The following RHD variants were observed in gnomAD, a reference collection of about 807,000 sequenced individuals.
RHD encodes Rh blood group D antigen, also known as blood group Rh(D) polypeptide.
In RHD, 16 loss-of-function variants were observed where a neutral mutation model predicts 45.5. The observed-to-expected ratio is 0.35, with a 90% CI of 0.24 to 0.53. The LOEUF is 0.53. Among genes scored for constraint, RHD ranks in the 20% least tolerant of loss-of-function variants. The pLI is 0.92. For missense variants in RHD, 306 were observed against 532.0 expected (o/e 0.58, Z 4.18); for synonymous variants, 131 against 217.5 (o/e 0.60, Z 3.50).
At chr1:25,275,106 A>G (rs1640843675) in intron 1 of RHD, among the ~76,000 whole-genome samples, 1 of 132,342 alleles carries the variant, frequency 7.6e-6, no homozygotes, top group Admixed American at 7.4e-5. Flanking sequence ...CCTGGCCAAC[A>G]TGGTAAAACC....
At chr1:25,285,903 G>A (rs575530920) in intron 2 of RHD, among the ~76,000 whole-genome samples, 1 of 134,428 alleles carries the variant, frequency 7.4e-6, no homozygotes, top group South Asian at 2.2e-4. Flanking sequence ...TAAACCTCTG[G>A]GCACTGCTGT....
At position 25,293,350 on chromosome 1, in the gene RHD, C is replaced by CTT. The variant is rs1278720414; in HGVS notation, c.486+2572_486+2573dup. Among the ~76,000 whole-genome samples the CTT allele has an allele frequency of 1.8e-4, 20 of 112,186 alleles. 1 individual carries two copies. The highest frequency in any genetic ancestry group is 5.6e-4 in the African/African-American group (19 of 33,828). The allele number at this position is 112,186 out of a possible 152,430, so 73.6% of individuals were successfully genotyped here. On this transcript the variant is annotated intron_variant, in intron 3 of 9. Transcript: ENST00000328664. Reference sequence around the variant, plus strand: ...TTAGGCCGATGCAGGGACAGTTCATCTTTTTTTTTTTTTTATACAACATTT... The same window carrying CTT: ...TTAGGCCGATGCAGGGACAGTTCATCTTTTTTTTTTTTTTTTATACAACATTT...
rs996939408 is a variant in RHD, at chr1:25,293,728, T to C, written c.486+2937T>C. 4.5e-5 allele frequency among the ~76,000 whole-genome samples: 6 copies of C among 131,988 alleles called. 2 individuals are homozygous for C. The highest frequency in any genetic ancestry group is 1.5e-4 in the Admixed American group (2 of 13,552). 86.6% of individuals were successfully genotyped at this position (131,988 alleles called of 152,430 possible). A position where few individuals can be genotyped will look rare whatever the true frequency, so the allele number is the denominator to read the frequency against. On this transcript the variant is annotated intron_variant, in intron 3 of 9. Coordinates refer to ENST00000328664, the MANE Select transcript of RHD (RefSeq NM_016124.6). ...GACTAGAGAGGGAAGTTTTTGAAAA[T>C]TAAACACTGTCTAATTTTCTGCAAA... is the stretch of plus-strand genomic sequence containing the variant.
intron 2 of RHD, among the ~76,000 whole-genome samples, chr1:25,288,149 C>T (rs1642205673): frequency 7.5e-6 from 1 of 132,466 alleles, no homozygotes; most frequent in African/African-American, 2.6e-5. Flanking sequence ...TCCCAAGTAG[C>T]TGGGACTGTG....
At chr1:25,306,425 CA>C (rs1643840242) in intron 6 of RHD, among the ~76,000 whole-genome samples, 170 bp from the exon 7 acceptor site, 1 of 131,910 alleles carries the variant, frequency 7.6e-6, no homozygotes, top group South Asian at 2.3e-4. Flanking sequence ...TTCATTTCAA[CA>C]AACTCCCCGA....
rs190825940 is a variant in RHD at position 25,282,436 on chromosome 1, T to C, written c.149-2137T>C. The stretch of plus-strand genomic sequence containing the variant: ...TTTTAGTAGAGACGGGGTTTCACCA[T>C]GTTGGCCAGGCTAGTCTCGAACTGC... On this transcript the variant is annotated intron_variant, in intron 1 of 9. Transcript: ENST00000328664. 8.4e-3 allele frequency among the ~76,000 whole-genome samples: 1,104 copies of C among 131,054 alleles called. 292 individuals are homozygous for C. The highest frequency in any genetic ancestry group is 0.015 in the Non-Finnish European group (828 of 55,434). The allele number at this position is 131,054 out of a possible 152,430, so 86.0% of individuals were successfully genotyped here.
At chr1:25,283,453 C>T (rs1641675257) in intron 1 of RHD, among the ~76,000 whole-genome samples, 1 of 130,836 alleles carries the variant, frequency 7.6e-6, no homozygotes, top group African/African-American at 2.6e-5. Context: ...ATCACTTGAA[C>T]CCAGGAGGCA....
intron 8 of RHD, chr1:25,317,993 G>T (rs1452513406): frequency 7.6e-6 from 1 of 130,962 alleles, no homozygotes; most frequent in Non-Finnish European, 1.8e-5. Context: ...AAAATCTAGG[G>T]GAGTTGCTAA....
chr1:25,322,343 T>C (rs1644756897), intron 9 of RHD, among the ~76,000 whole-genome samples: 1 of 132,600 alleles, frequency 7.5e-6, no homozygotes, highest in Non-Finnish European at 1.8e-5. Flanking sequence ...AACCCCTTTT[T>C]TGACAGATGC....
Position 25,314,558 on chromosome 1 carries a change from A to G in RHD, c.1074-2442A>G, listed in dbSNP as rs1330326679. On this transcript the variant is annotated intron_variant, in intron 7 of 9. Coordinates refer to ENST00000328664, the MANE Select transcript of RHD (RefSeq NM_016124.6). ...ACCCAGGCTGGAATGCAGTGGCGCT[A>G]TCTCAGCCCACTACAACCTCTGCCT... 2.3e-5 allele frequency among the ~76,000 whole-genome samples: 3 copies of G among 132,826 alleles called. 1 individual carries two copies. Among genetic ancestry groups the G allele is most frequent in the Non-Finnish European group, 5.4e-5 (3 of 56,026 alleles). 87.1% of individuals were successfully genotyped at this position (132,826 alleles called of 152,430 possible).
At chr1:25,281,681 G>A (rs1641500204) in intron 1 of RHD, among the ~76,000 whole-genome samples, 1 of 131,034 alleles carries the variant, frequency 7.6e-6, no homozygotes, top group Non-Finnish European at 1.8e-5. Context: ...ATGCAAGCAG[G>A]AGATAGAAAC....
In RHD at chr1:25,286,925, T is replaced by C. The variant is rs554223840; in HGVS notation, c.335+2166T>C. Among the ~76,000 whole-genome samples the C allele has an allele frequency of 3.0e-5, 4 of 133,712 alleles. No homozygotes were observed. The South Asian group carries it at 8.9e-4, about 30-fold the overall frequency. 87.7% of individuals were successfully genotyped at this position (133,712 alleles called of 152,430 possible). On this transcript the variant is annotated intron_variant, in intron 2 of 9. Transcript: ENST00000328664. ...CTGAGCAACATGGTGAAATCCTGTC[T>C]CTACTAAAAACACAAAAATTAGCTG...
At position 25,318,261 on chromosome 1, in the gene RHD, C is replaced by T. The variant is rs567202507; in HGVS notation, c.1153+1182C>T. 14 of 127,486 alleles carry T rather than the reference C, an allele frequency of 1.1e-4. 5 individuals are homozygous for T. Among genetic ancestry groups the T allele is most frequent in the Non-Finnish European group, 2.0e-4 (11 of 54,068 alleles). 7.9% of individuals were successfully genotyped at this position (127,486 alleles called of 1,614,324 possible). A position where few individuals can be genotyped will look rare whatever the true frequency, so the allele number is the denominator to read the frequency against. ...CCGGGAGGCAGAGGTTGCAGTGAGC[C>T]GAGACTCTGTCTAAAAAAAAAGAAA... On this transcript the variant is annotated intron_variant, in intron 8 of 9. Transcript: ENST00000328664.
chr1:25,320,140 C>T (rs1259918869), intron 8 of RHD, among the ~76,000 whole-genome samples: 2 of 131,126 alleles, frequency 1.5e-5, no homozygotes, highest in African/African-American at 5.2e-5. Context: ...TCAGGTGATC[C>T]GCCCACCTTG....
chr1:25,277,009 G>C (rs1478981916), intron 1 of RHD, among the ~76,000 whole-genome samples: 1 of 132,298 alleles, frequency 7.6e-6, no homozygotes, highest in African/African-American at 2.6e-5. Context: ...GGAGCTTTCA[G>C]TGAGCTGAGA....
chr1:25,309,804 G>C (rs1017756625), intron 7 of RHD, among the ~76,000 whole-genome samples: 1 of 132,408 alleles, frequency 7.6e-6, no homozygotes, highest in African/African-American at 2.6e-5. Flanking sequence ...GCTGCTGTGA[G>C]GACATGTGTT....
At chr1:25,301,901 G>A (rs1381341277) in intron 5 of RHD, among the ~76,000 whole-genome samples, 1 of 131,116 alleles carries the variant, frequency 7.6e-6, no homozygotes, top group South Asian at 2.3e-4. Flanking sequence ...AGGCTTTCTG[G>A]GGGTAGTGAT....
In RHD at chr1:25,308,684, C is replaced by T. The variant is rs1353711989; in HGVS notation, c.1073+1955C>T. On this transcript the variant is annotated intron_variant, in intron 7 of 9. Transcript: ENST00000328664. ...CTATGGGAACTGGCTCCAGCACATC[C>T]CTGCAAGTCAACTCTCATCAGGGTG... Among the ~76,000 whole-genome samples, 90 of 129,820 alleles carry T rather than the reference C, an allele frequency of 6.9e-4. 14 individuals carry two copies. The highest frequency in any genetic ancestry group is 2.3e-3 in the African/African-American group (88 of 37,722). The allele number at this position is 129,820 out of a possible 152,430, so 85.2% of individuals were successfully genotyped here.
Position 25,293,051 on chromosome 1 carries a change from G to C in RHD, c.486+2260G>C, listed in dbSNP as rs1258931847. Among the ~76,000 whole-genome samples, 2 of 130,686 alleles carry C rather than the reference G, an allele frequency of 1.5e-5. 1 individual carries two copies. The highest frequency in any genetic ancestry group is 3.6e-5 in the Non-Finnish European group (2 of 55,696). The allele number at this position is 130,686 out of a possible 152,430, so 85.7% of individuals were successfully genotyped here. On this transcript the variant is annotated intron_variant, in intron 3 of 9. Transcript: ENST00000328664. ...GGGCTGGGAAGTAGCCATTGGATTT[G>C]GCCAGGAGACCTTGGCATGCATGGT...
Sources: gnomAD v4.1 joint callset for allele counts (sites outside exome capture counted in the v4.1 genomes callset) on GRCh38, gnomAD v4.1.1 for gene constraint, MANE v1.5 for transcripts, NCBI Gene and HGNC (gene_info 2026-07-23, HGNC 2026-07-21) for gene names.